The following CDH4 variants were observed in gnomAD, a reference collection of about 807,000 sequenced individuals.
CDH4 encodes cadherin 4, also known as cadherin-4.
In CDH4, 33 loss-of-function variants were observed where a neutral mutation model predicts 86.0. That is an observed-to-expected ratio of 0.38 (90% CI 0.29 to 0.51). The LOEUF is 0.51. CDH4 is among the 20% of genes least tolerant of loss of function. The pLI, the probability that CDH4 is intolerant of heterozygous loss-of-function variation, is 0.86. For synonymous variants in CDH4, 555 were observed against 549.4 expected, an observed-to-expected ratio of 1.01 and a Z score of -0.14; for missense variants, 1,114 against 1,307.4, an observed-to-expected ratio of 0.85 and a Z score of 2.28.
intron 6 of CDH4, among the ~76,000 whole-genome samples, chr20:61,868,005 A>T (rs925683987): frequency 9.9e-5 from 15 of 152,238 alleles, no homozygotes; most frequent in Admixed American, 3.3e-4. Flanking sequence ...CTTGCATCAG[A>T]TGTAAGGGGT....
chr20:61,542,874 C>T (rs186304624), intron 2 of CDH4, among the ~76,000 whole-genome samples: 38 of 152,192 alleles, frequency 2.5e-4, no homozygotes, highest in African/African-American at 9.2e-4. Context: ...CGCTAAGGAG[C>T]CTGGAAGCCA....
chr20:61,422,424 CAAAAAAAAAAAAAAAAAAAA>C (rs869235928), intron 2 of CDH4, among the ~76,000 whole-genome samples: 36 of 22,256 alleles, frequency 1.6e-3, no homozygotes, highest in East Asian at 2.4e-3. Flanking sequence ...AACTCCGTCT[CAAAAAAAAAAAAAAAAAAAA>C]AAAAAAAAAA....
At chr20:61,823,274 G>A (rs370712445) in intron 4 of CDH4, among the ~76,000 whole-genome samples, 1 of 820 alleles carries the variant, frequency 1.2e-3, no homozygotes, top group African/African-American at 3.9e-3. Flanking sequence ...TGGTGGTGAT[G>A]ATGGTGTTGA....
intron 2 of CDH4, among the ~76,000 whole-genome samples, chr20:61,478,269 G>A (rs148837112): frequency 2.6e-5 from 4 of 152,254 alleles, no homozygotes; most frequent in African/African-American, 4.8e-5. Context: ...CTGCCAGAAC[G>A]GACATGATCA....
At position 61,852,937 on chromosome 20, in the gene CDH4, G is replaced by A. The variant is rs1425953819; in HGVS notation, c.877+39G>A. On this transcript the variant is annotated intron_variant, in intron 6 of 15. Coordinates refer to ENST00000614565, the MANE Select transcript of CDH4 (RefSeq NM_001794.5). ...CGTTTGCTTGCTGGAGACCCTGTGG[G>A]CTCTGCGGGTGCAGCACAGGCCCTG... 10 of 1,608,994 alleles carry A rather than the reference G, an allele frequency of 6.2e-6. No individual in the cohort carries two copies. In the East Asian group the frequency reaches 1.8e-4, roughly 29 times the overall value.
intron 9 of CDH4, among the ~76,000 whole-genome samples, chr20:61,914,021 G>C (rs1299624145): frequency 1.3e-5 from 2 of 152,148 alleles, no homozygotes; most frequent in Admixed American, 1.3e-4. Flanking sequence ...ACAGAACGCT[G>C]GTTCTCAGGA....
intron 7 of CDH4, among the ~76,000 whole-genome samples, chr20:61,891,544 C>T (rs1776252): frequency 0.89 from 135,024 of 151,982 alleles, 60,550 homozygotes; most frequent in Non-Finnish European, 0.94. Context: ...TCCTGCCCTT[C>T]CGAGAGGCCC....
intron 2 of CDH4, among the ~76,000 whole-genome samples, chr20:61,380,523 A>ACCGCC (rs141105277): frequency 1.3e-5 from 2 of 148,848 alleles, no homozygotes; most frequent in Non-Finnish European, 3.0e-5. Flanking sequence ...CCATCCTACA[A>ACCGCC]ACCCCCCTGC....
chr20:61,369,507 C>G (rs1353102820), intron 2 of CDH4, among the ~76,000 whole-genome samples: 1 of 142,048 alleles, frequency 7.0e-6, no homozygotes, highest in Non-Finnish European at 1.5e-5. Context: ...TAAGCAGAAT[C>G]TGGGTTGGGT....
chr20:61,699,374 G>C (rs1040831779), intron 2 of CDH4, among the ~76,000 whole-genome samples: 1 of 152,184 alleles, frequency 6.6e-6, no homozygotes, highest in African/African-American at 2.4e-5. Flanking sequence ...GGGCACTGGG[G>C]CTCCCTGGGC....
chr20:61,580,614 C>G (rs2086419356), intron 2 of CDH4, among the ~76,000 whole-genome samples: 1 of 148,230 alleles, frequency 6.7e-6, no homozygotes, highest in South Asian at 2.2e-4. Flanking sequence ...TGAAGGCAGC[C>G]CATTGGTTTT....
At chr20:61,506,219 A>G (rs918795400) in intron 2 of CDH4, among the ~76,000 whole-genome samples, 1 of 152,262 alleles carries the variant, frequency 6.6e-6, no homozygotes, top group African/African-American at 2.4e-5. Flanking sequence ...AAAGACGCTC[A>G]TGCATCTTCT....
At chr20:61,426,437 G>A (rs1008976999) in intron 2 of CDH4, among the ~76,000 whole-genome samples, 2 of 152,180 alleles carry the variant, frequency 1.3e-5, no homozygotes, top group Admixed American at 6.5e-5. Flanking sequence ...AGGGTGTGTG[G>A]CAAGGGATAG....
At chr20:61,809,905 G>T (rs1021708380) in intron 4 of CDH4, among the ~76,000 whole-genome samples, 6 of 152,202 alleles carry the variant, frequency 3.9e-5, no homozygotes, top group African/African-American at 1.2e-4. Flanking sequence ...GGTGAAGAGC[G>T]TGTGCATTGC....
intron 7 of CDH4, among the ~76,000 whole-genome samples, chr20:61,878,829 G>A (rs762397199): frequency 9.9e-5 from 15 of 152,174 alleles, no homozygotes; most frequent in East Asian, 3.8e-4. Context: ...CCTTTGCCTC[G>A]GAATAGAAGT....
chr20:61,700,355 C>T (rs1410456444), intron 2 of CDH4, among the ~76,000 whole-genome samples: 2 of 152,220 alleles, frequency 1.3e-5, no homozygotes, highest in Admixed American at 6.5e-5. Flanking sequence ...TGGCTGGTCA[C>T]GTCTCCTGCA....
In CDH4 at chr20:61,544,560, C is replaced by T. The variant is rs966637987; in HGVS notation, c.170-199003C>T. 2.0e-5 allele frequency among the ~76,000 whole-genome samples: 3 copies of T among 151,682 alleles called. No individual in the cohort carries two copies. The highest frequency in any genetic ancestry group is 3.9e-4 in the East Asian group (2 of 5,074). ...GGCAGCCGCCAAGCAGAGACGGTGA[C>T]GGGATCCCTGCGTTGACGGTGGCAT... On this transcript the variant is annotated intron_variant, in intron 2 of 15. Transcript: ENST00000614565. The surrounding 1 kb of genome is among the most constrained non-coding windows in gnomAD (Gnocchi z 6.5).
At chr20:61,295,451 T>C in intron 2 of CDH4, among the ~76,000 whole-genome samples, 1 of 152,230 alleles carries the variant, frequency 6.6e-6, no homozygotes. Flanking sequence ...ATGGCTGTGA[T>C]GCTGAGATGC....
intron 2 of CDH4, among the ~76,000 whole-genome samples, chr20:61,556,921 C>T (rs189937225): frequency 1.4e-3 from 214 of 152,108 alleles, no homozygotes; most frequent in African/African-American, 4.5e-3. Flanking sequence ...GGCTGATCCC[C>T]GCCTCAGTTT....
Sources: gnomAD v4.1 joint callset for allele counts (sites outside exome capture counted in the v4.1 genomes callset) on GRCh38, gnomAD v4.1.1 for gene constraint, Gnocchi (gnomAD v3.1) non-coding constraint, MANE v1.5 for transcripts, NCBI Gene and HGNC (gene_info 2026-07-23, HGNC 2026-07-21) for gene names.